CPNE6: variants seen among roughly 807,000 people sequenced by gnomAD.
The protein encoded by CPNE6 is copine 6.
Under a neutral mutation model 71.5 loss-of-function variants are expected in CPNE6, and 33 were observed. The ratio of observed to expected loss-of-function variants is 0.46; its 90% CI spans 0.35 to 0.62. The LOEUF (loss-of-function observed/expected upper bound fraction) is 0.62. Among genes scored for constraint, CPNE6 ranks in the 20% least tolerant of loss-of-function variants. The pLI is 0.00. For synonymous variants in CPNE6, 296 were observed against 293.0 expected (o/e 1.01, Z -0.10); for missense variants, 576 against 747.3 (o/e 0.77, Z 2.67).
At position 24,075,255 on chromosome 14, in the gene CPNE6, G is replaced by A; in HGVS notation, c.756G>A (p.Gly252=). 6.2e-7 allele frequency: 1 copy of A among 1,614,140 alleles called. No individual in the cohort carries two copies. Among genetic ancestry groups the A allele is most frequent in the Non-Finnish European group, 8.5e-7 (1 of 1,180,014 alleles). Residue 252 remains glycine, a synonymous_variant, in exon 9 of 18, where the codon GGG becomes GGA. Coordinates refer to ENST00000397016, the Ensembl canonical transcript of CPNE6. The surrounding 1 kb of genome is among the most constrained non-coding windows in gnomAD (Gnocchi z 4.3). ...GCACTTTCCAGGAGATGCAGGAAGG[G>A]ACGGCAAACCCTGGGCAGGAGGTGC...
rs781317006 is a variant in CPNE6, at chr14:24,077,615, A to C, written c.1559A>C (p.Lys520Thr). 1 of 1,590,730 alleles carries C rather than the reference A, an allele frequency of 6.3e-7. No homozygotes were observed. Among genetic ancestry groups the C allele is most frequent in the East Asian group, 2.2e-5 (1 of 44,718 alleles). ...TAGGCTGCCCCCTCTGCACTCGCCA[A>C]GTGTGTCCTGGCTGAGGTGCCACGG... The change falls in exon 17 of 18, where the codon AAG becomes ACG. Residue 520 changes from lysine (K) to threonine (T), a missense_variant. Lys to Thr is a moderately conservative substitution (Grantham distance 78). Transcript: ENST00000397016. The surrounding 1 kb of genome is among the most constrained non-coding windows in gnomAD (Gnocchi z 6.1).
At position 24,073,946 on chromosome 14, in the gene CPNE6, T is replaced by A. The variant is rs1404324835; in HGVS notation, c.349-105T>A. The A allele has an allele frequency of 1.8e-6, 2 of 1,130,506 alleles. No homozygotes were observed. Among genetic ancestry groups the A allele is most frequent in the Non-Finnish European group, 2.7e-6 (2 of 749,154 alleles). The allele number at this position is 1,130,506 out of a possible 1,614,324, so 70.0% of individuals were successfully genotyped here. ...AGCCCAACCCTAGCCCAACTCAAAGTGCCAACCCTTGCAGACACTCAGAGC... is the reference window on the plus strand; with the variant it reads ...AGCCCAACCCTAGCCCAACTCAAAGAGCCAACCCTTGCAGACACTCAGAGC... On this transcript the variant is annotated intron_variant, in intron 4 of 17. Transcript: ENST00000397016. This position sits in a 1 kb window ranked among gnomAD's most constrained non-coding sequence, Gnocchi z 5.5.
Position 24,075,664 on chromosome 14 carries a change from C to A in CPNE6, c.864+73C>A. The A allele has an allele frequency of 7.0e-7, 1 of 1,438,056 alleles. No homozygotes were observed. Among genetic ancestry groups the A allele is most frequent in the Non-Finnish European group, 9.6e-7 (1 of 1,038,730 alleles). 89.1% of individuals were successfully genotyped at this position (1,438,056 alleles called of 1,614,324 possible). Reference sequence around the variant, plus strand: ...CCACACTCTCAGGTTCAACCCTTCCCTTGTTTCAAAGACCAGTTTCTCTGC... The same window carrying A: ...CCACACTCTCAGGTTCAACCCTTCCATTGTTTCAAAGACCAGTTTCTCTGC... On this transcript the variant is annotated intron_variant, in intron 10 of 17. Transcript: ENST00000397016. The surrounding 1 kb of genome is among the most constrained non-coding windows in gnomAD (Gnocchi z 4.3).
rs772728715 is a variant in CPNE6, at chr14:24,077,818, C to G, written c.*37+51C>G. 51 of 1,371,422 alleles carry G rather than the reference C, an allele frequency of 3.7e-5. No individual in the cohort carries two copies. Among genetic ancestry groups the G allele is most frequent in the Non-Finnish European group, 4.7e-5 (49 of 1,043,298 alleles). 85.0% of individuals were successfully genotyped at this position (1,371,422 alleles called of 1,614,324 possible). A position where few individuals can be genotyped will look rare whatever the true frequency, so the allele number is the denominator to read the frequency against. On this transcript the variant is annotated intron_variant, in intron 17 of 17. Coordinates refer to ENST00000397016, the Ensembl canonical transcript of CPNE6. The surrounding 1 kb of genome is among the most constrained non-coding windows in gnomAD (Gnocchi z 6.1). ...TGGACACAGGGGGTGCAAAGTGGGG[C>G]TTGGTAGAGCCCAACTAGGCTGGGT...
At position 24,075,479 on chromosome 14, in the gene CPNE6, C is replaced by T. The variant is rs1289698206; in HGVS notation, c.778-26C>T. 2.5e-6 allele frequency: 4 copies of T among 1,598,804 alleles called. No homozygotes were observed. The African/African-American group carries it at 5.3e-5, about 21-fold the overall frequency. On this transcript the variant is annotated intron_variant, in intron 9 of 17. Transcript: ENST00000397016. The surrounding 1 kb of genome is among the most constrained non-coding windows in gnomAD (Gnocchi z 4.3). ...GAGGGGTCACCTGATGGACTTGTGA[C>T]CCTGAGCTTGTGGGGTGGGGTCTAG...
rs531727928 is a variant in CPNE6, at chr14:24,075,649, A to G, written c.864+58A>G. The stretch of plus-strand genomic sequence containing the variant: ...CAGCCCCTGCCCCTACCACACTCTC[A>G]GGTTCAACCCTTCCCTTGTTTCAAA... On this transcript the variant is annotated intron_variant, in intron 10 of 17. Transcript: ENST00000397016. This position sits in a 1 kb window ranked among gnomAD's most constrained non-coding sequence, Gnocchi z 4.3. 26 of 1,466,370 alleles carry G rather than the reference A, an allele frequency of 1.8e-5. No individual in the cohort carries two copies. Among genetic ancestry groups the G allele is most frequent in the Non-Finnish European group, 2.4e-5 (25 of 1,060,920 alleles). 90.8% of individuals were successfully genotyped at this position (1,466,370 alleles called of 1,614,324 possible).
rs1454399776 is a variant in CPNE6, at chr14:24,074,007, G to T, written c.349-44G>T. On this transcript the variant is annotated intron_variant, in intron 4 of 17. Transcript: ENST00000397016. This position sits in a 1 kb window ranked among gnomAD's most constrained non-coding sequence, Gnocchi z 4.5. ...CCATCCCTTGTACGTGGCCAAGGCA[G>T]ATGGGGATGTCACAGCTGGGTCTCC... The T allele has an allele frequency of 6.5e-7, 1 of 1,535,402 alleles. No individual in the cohort carries two copies. The highest frequency in any genetic ancestry group is 9.0e-7 in the Non-Finnish European group (1 of 1,108,238).
chr14:24,071,501 G>GGGGGGCCCCCCCCCCCC, intron 1 of CPNE6, 61 bp from the exon 1 acceptor site: 3 of 1,416,702 alleles, frequency 2.1e-6, no homozygotes, highest in Non-Finnish European at 2.8e-6. Context: ...CTGGTGCTGC[G>GGGGGGCCCCCCCCCCCC]CCCCCCCCCA....
chr14:24,077,223 G>A lies in CPNE6; in HGVS notation c.1369G>A (p.Val457Met), dbSNP rs773443699. 9.9e-6 allele frequency: 16 copies of A among 1,612,474 alleles called. No homozygotes were observed. Among genetic ancestry groups the A allele is most frequent in the Non-Finnish European group, 1.3e-5 (15 of 1,180,014 alleles). ...CATGGCTGAGACTCGCACTGCTATCGTGCGTGCCTCCCGCCTGCCCATGTC... is the reference window on the plus strand; with the variant it reads ...CATGGCTGAGACTCGCACTGCTATCATGCGTGCCTCCCGCCTGCCCATGTC... The change falls in exon 16 of 18, where the codon GTG becomes ATG. Residue 457 changes from valine (V) to methionine (M), a missense_variant. Around this residue, in one of 4 missense-constraint regions of CPNE6, gnomAD observed 264 missense variants for 339.9 expected, o/e 0.78. Coordinates refer to ENST00000397016, the Ensembl canonical transcript of CPNE6. The surrounding 1 kb of genome is among the most constrained non-coding windows in gnomAD (Gnocchi z 6.1).
exon 13 of CPNE6, chr14:24,076,360 T>C (rs769876451): frequency 6.2e-7 from 1 of 1,614,172 alleles, no homozygotes; most frequent in South Asian, 1.1e-5. Flanking sequence ...TTCTCCCCAG[T>C]GATAAGCGGT....
chr14:24,075,619 T>C lies in CPNE6; in HGVS notation c.864+28T>C. 1 of 1,573,038 alleles carries C rather than the reference T, an allele frequency of 6.4e-7. No homozygotes were observed. Among genetic ancestry groups the C allele is most frequent in the South Asian group, 1.1e-5 (1 of 87,898 alleles). On this transcript the variant is annotated intron_variant, in intron 10 of 17. Transcript: ENST00000397016. This position sits in a 1 kb window ranked among gnomAD's most constrained non-coding sequence, Gnocchi z 4.3. ...AAATTTCACTTCCTGCTTCAAGCCT[T>C]GCCCCAGCCCCTGCCCCTACCACAC...
chr14:24,071,520 C>CCCCCCCCCCCCCCCAAAAAA, intron 1 of CPNE6, 42 bp from the exon 1 acceptor site: 2 of 1,488,056 alleles, frequency 1.3e-6, no homozygotes, highest in Non-Finnish European at 9.0e-7. Flanking sequence ...CACCCCTCCC[C>CCCCCCCCCCCCCCCAAAAAA]ATCCAGGCCC....
chr14:24,076,963 A>G, exon 15 of CPNE6: 3 of 1,612,854 alleles, frequency 1.9e-6, no homozygotes, highest in Non-Finnish European at 2.5e-6. Flanking sequence ...CCCATCATCA[A>G]CCGTGTGGCT....
chr14:24,072,862 C>A, intron 2 of CPNE6, 71 bp from the exon 2 acceptor site: 1 of 1,357,768 alleles, frequency 7.4e-7, no homozygotes, highest in Non-Finnish European at 9.6e-7. Context: ...CCCAGGGACC[C>A]TAGAGGATAG....
chr14:24,073,936 C>G lies in CPNE6; in HGVS notation c.349-115C>G. On this transcript the variant is annotated intron_variant, in intron 4 of 17. Transcript: ENST00000397016. The surrounding 1 kb of genome is among the most constrained non-coding windows in gnomAD (Gnocchi z 5.5). ...GTAAAAATTGAGCCCAACCCTAGCC[C>G]AACTCAAAGTGCCAACCCTTGCAGA... is the stretch of plus-strand genomic sequence containing the variant. 1 of 1,046,734 alleles carries G rather than the reference C, an allele frequency of 9.6e-7. No homozygotes were observed. The allele number at this position is 1,046,734 out of a possible 1,614,324, so 64.8% of individuals were successfully genotyped here. A position where few individuals can be genotyped will look rare whatever the true frequency, so the allele number is the denominator to read the frequency against.
At position 24,071,377 on chromosome 14, in the gene CPNE6, C is replaced by T. The variant is rs1317818472; in HGVS notation, c.-119-150C>T. 3.5e-6 allele frequency: 5 copies of T among 1,445,202 alleles called. No individual in the cohort carries two copies. The African/African-American group carries it at 5.7e-5, about 16-fold the overall frequency. 89.5% of individuals were successfully genotyped at this position (1,445,202 alleles called of 1,614,324 possible). On this transcript the variant is annotated intron_variant, in intron 1 of 17. Coordinates refer to ENST00000397016, the Ensembl canonical transcript of CPNE6. ...TGTGTGTCACTGTGTCTGTGGGGGT[C>T]CTGCCTCTAAGCCACCCCCAGCCTG... is the stretch of plus-strand genomic sequence containing the variant.
rs775839367 is a variant in CPNE6 at position 24,076,226 on chromosome 14, C to T, written c.1002C>T (p.Pro334=). ...TGCACTGCCTCAGTCCCCGACAGCCCAACCACTACCTGCAGGCCCTGCGTG... is the reference window on the plus strand; with the variant it reads ...TGCACTGCCTCAGTCCCCGACAGCCTAACCACTACCTGCAGGCCCTGCGTG... The change falls in exon 12 of 18, where the codon CCC becomes CCT. Residue 334 remains proline (P), a synonymous_variant. Coordinates refer to ENST00000397016, the Ensembl canonical transcript of CPNE6. The T allele has an allele frequency of 3.1e-6, 5 of 1,614,220 alleles. No individual in the cohort carries two copies. In the African/African-American group the frequency reaches 5.3e-5, roughly 17 times the overall value.
intron 1 of CPNE6, 61 bp from the exon 1 acceptor site, chr14:24,071,501 G>GGCCC: frequency 2.1e-6 from 3 of 1,416,702 alleles, no homozygotes; most frequent in Non-Finnish European, 2.8e-6. Context: ...CTGGTGCTGC[G>GGCCC]CCCCCCCCCA....
intron 1 of CPNE6, chr14:24,071,080 A>G: frequency 1.3e-6 from 2 of 1,483,450 alleles, no homozygotes; most frequent in East Asian, 2.5e-5. Flanking sequence ...GTTCCTGTAT[A>G]TGTGACTGCA....
Sources: gnomAD v4.1 joint callset for allele counts on GRCh38, gnomAD v4.1.1 for gene constraint, gnomAD v4.1.1 regional missense constraint, Gnocchi (gnomAD v3.1) non-coding constraint, MANE v1.5 for transcripts, NCBI Gene and HGNC (gene_info 2026-07-23, HGNC 2026-07-21) for gene names.